ZNF783: variants seen among roughly 807,000 people sequenced by gnomAD.
ZNF783 encodes the protein zinc finger protein 783.
A neutral mutation model predicts 31.3 loss-of-function variants in ZNF783; 25 were observed. The observed-to-expected ratio is 0.80, with a 90% confidence interval of 0.58 to 1.11. The LOEUF (loss-of-function observed/expected upper bound fraction) is 1.11, where lower values mean the gene tolerates loss of function less well. ZNF783 is among the 50% of genes most tolerant of loss of function. The probability of loss-of-function intolerance (pLI) is 0.00; values close to 1 mark genes in which losing one functional copy is unlikely to be tolerated. For synonymous variants in ZNF783, 369 were observed against 319.1 expected, an observed-to-expected ratio of 1.16 and a Z score of -1.66; for missense variants, 797 against 760.0, an observed-to-expected ratio of 1.05 and a Z score of -0.57.
At position 149,278,410 on chromosome 7, in the gene ZNF783, T is replaced by C. The variant is rs1797383276; in HGVS notation, c.685T>C (p.Tyr229His). The change falls in exon 5 of 6, where the codon TAT (tyrosine) becomes CAT (histidine). Residue 229 changes from tyrosine to histidine, a missense_variant. Tyr to His is a moderately conservative substitution (Grantham distance 83). Coordinates refer to ENST00000434415, the MANE Select transcript of ZNF783 (RefSeq NM_001195220.2). ...PRMMGTGLPPYPEHLTSPLSP... is the reference protein window; with the variant it reads ...PRMMGTGLPPHPEHLTSPLSP... ...TTTACATTCTCCAGGCCTCCCTCCG[T>C]ATCCAGAGCACCTCACCAGCCCACT... 6.3e-7 allele frequency: 1 copy of C among 1,599,272 alleles called. No individual in the cohort carries two copies. The highest frequency in any genetic ancestry group is 1.3e-5 in the African/African-American group (1 of 74,882).
intron 1 of ZNF783, among the ~76,000 whole-genome samples, chr7:149,265,685 T>C (rs1797046304): frequency 6.6e-6 from 1 of 152,236 alleles, no homozygotes; most frequent in African/African-American, 2.4e-5. Context: ...AAGCATTCAT[T>C]CCATAGCAGT....
intron 1 of ZNF783, among the ~76,000 whole-genome samples, chr7:149,264,333 C>G (rs566128906): frequency 6.6e-5 from 10 of 152,108 alleles, no homozygotes; most frequent in Non-Finnish European, 1.3e-4. Flanking sequence ...ATCTTAAAAA[C>G]GAGAGAGACT....
chr7:149,276,488 G>C (rs1056597823), intron 4 of ZNF783: 1 of 985,396 alleles, frequency 1.0e-6, no homozygotes, highest in African/African-American at 1.7e-5. Context: ...TAACTCTCCC[G>C]TACGTAAAGG....
chr7:149,276,527 G>A (rs34626863), intron 4 of ZNF783: 133,370 of 985,236 alleles, frequency 0.14, 9,630 homozygotes, highest in Non-Finnish European at 0.15. Flanking sequence ...AGCAGGCACA[G>A]ACTCAATTGG....
intron 4 of ZNF783, among the ~76,000 whole-genome samples, chr7:149,273,047 A>G (rs570858211): frequency 2.0e-4 from 31 of 152,328 alleles, no homozygotes; most frequent in African/African-American, 7.5e-4. Flanking sequence ...GATGTCCTCC[A>G]GTTCCACCCA....
At chr7:149,278,353 G>A (rs1797380704) in intron 4 of ZNF783, 46 bp from the exon 5 acceptor site, 1 of 1,596,484 alleles carries the variant, frequency 6.3e-7, no homozygotes, top group African/African-American at 1.3e-5. Flanking sequence ...CATCTGGGCA[G>A]GAGACCTCCA....
rs1482265543 is a variant in ZNF783, at chr7:149,282,399, AGGTT to A, written c.*57_*60del. On this transcript the variant is annotated 3_prime_UTR_variant, in exon 6 of 6. Coordinates refer to ENST00000434415, the MANE Select transcript of ZNF783 (RefSeq NM_001195220.2). The stretch of plus-strand genomic sequence containing the variant: ...GGGGTCTCTCCCCTGTGCCTGACGC[AGGTT>A]CTTCCTTTTCCTGGGATGGAGAGAG... The A allele has an allele frequency of 7.4e-7, 1 of 1,353,272 alleles. No individual in the cohort carries two copies. The highest frequency in any genetic ancestry group is 1.5e-5 in the African/African-American group (1 of 66,976). 83.8% of individuals were successfully genotyped at this position (1,353,272 alleles called of 1,614,324 possible). A position where few individuals can be genotyped will look rare whatever the true frequency, so the allele number is the denominator to read the frequency against.
At chr7:149,269,505 C>T (rs943436788) in intron 4 of ZNF783, among the ~76,000 whole-genome samples, 1 of 152,156 alleles carries the variant, frequency 6.6e-6, no homozygotes, top group Non-Finnish European at 1.5e-5. Context: ...AGGGCAATAT[C>T]GAGGAGGGTA....
At chr7:149,269,332 T>C (rs1364077334) in intron 4 of ZNF783, among the ~76,000 whole-genome samples, 1 of 152,224 alleles carries the variant, frequency 6.6e-6, no homozygotes, top group Non-Finnish European at 1.5e-5. Flanking sequence ...CTTTGTCAGA[T>C]GCATAGTTTC....
Position 149,265,209 on chromosome 7 carries a change from A to C in ZNF783, c.25-1126A>C, listed in dbSNP as rs78628323. On this transcript the variant is annotated intron_variant, in intron 1 of 5. Transcript: ENST00000434415. ...GAGTGAGATGTTGATTTGTCTCTCC[A>C]ACAAGGCTTTTAGCAGCACCAACCA... is the stretch of plus-strand genomic sequence containing the variant. Among the ~76,000 whole-genome samples, 328 of 152,354 alleles carry C rather than the reference A, an allele frequency of 2.2e-3. 5 individuals carry two copies. The East Asian group carries it at 0.052, about 24-fold the overall frequency.
rs1202289057 is a variant in ZNF783, at chr7:149,282,278, C to T, written c.1576C>T (p.Pro526Ser). 1 of 1,574,328 alleles carries T rather than the reference C, an allele frequency of 6.4e-7. No individual in the cohort carries two copies. The highest frequency in any genetic ancestry group is 2.3e-5 in the East Asian group (1 of 43,168). The change falls in exon 6 of 6, where the codon CCT (proline) becomes TCT (serine). Residue 526 changes from proline to serine, a missense_variant. Transcript: ENST00000434415. ...HARGQVGPHFPAAPARHGSLP... is the reference protein window; with the variant it reads ...HARGQVGPHFSAAPARHGSLP... ...CCGAGGCCAGGTGGGCCCACACTTC[C>T]CTGCCGCCCCCGCCCGCCACGGGAG...
intron 5 of ZNF783, among the ~76,000 whole-genome samples, chr7:149,279,030 A>G (rs1004103346): frequency 3.9e-5 from 6 of 152,236 alleles, no homozygotes; most frequent in Admixed American, 6.5e-5. Flanking sequence ...ACAAAAGTGT[A>G]TATCAGGGCA....
Position 149,281,683 on chromosome 7 carries a change from G to T in ZNF783, c.981G>T (p.Glu327Asp). 6.7e-7 allele frequency: 1 copy of T among 1,501,254 alleles called. No homozygotes were observed. The highest frequency in any genetic ancestry group is 8.8e-7 in the Non-Finnish European group (1 of 1,135,310). 93.0% of individuals were successfully genotyped at this position (1,501,254 alleles called of 1,614,324 possible). ...GCATGCCCAGGGTGCGGGCAGGGGA[G>T]CCACGGCCACCGGGGGCCAGTGGGG... The part of the protein sequence containing the change: ...AQGMPRVRAG[E>D]PRPPGASGET... The change falls in exon 6 of 6, where the codon GAG becomes GAT. Residue 327 changes from glutamate to aspartate, a missense_variant. Physicochemically the swap from Glu to Asp is conservative, Grantham distance 45. Coordinates refer to ENST00000434415, the MANE Select transcript of ZNF783 (RefSeq NM_001195220.2).
Position 149,282,482 on chromosome 7 carries a change from T to A in ZNF783, c.*139T>A. On this transcript the variant is annotated 3_prime_UTR_variant, in exon 6 of 6. Coordinates refer to ENST00000434415, the MANE Select transcript of ZNF783 (RefSeq NM_001195220.2). ...AAGCTAGCTGCCCTTCTGGTGACAT[T>A]GTGTGTGACCGGGTGCTTTCTGTTT... 1.3e-6 allele frequency: 1 copy of A among 749,936 alleles called. No individual in the cohort carries two copies. Among genetic ancestry groups the A allele is most frequent in the Non-Finnish European group, 2.1e-6 (1 of 484,528 alleles). The allele number at this position is 749,936 out of a possible 1,614,324, so 46.5% of individuals were successfully genotyped here.
At chr7:149,267,248 G>C in intron 4 of ZNF783, 26 bp downstream of exon 4, 1 of 1,557,648 alleles carries the variant, frequency 6.4e-7, no homozygotes, top group Non-Finnish European at 8.6e-7. Flanking sequence ...AGATGTGGTT[G>C]GGGGGCCGCC....
rs375019406 is a variant in ZNF783 at position 149,282,213 on chromosome 7, A to G, written c.1511A>G (p.Asn504Ser). Residue 504 changes from asparagine to serine, a missense_variant, in exon 6 of 6, where the codon AAC becomes AGC. By Grantham distance (46) the Asn-to-Ser change is conservative. Coordinates refer to ENST00000434415, the MANE Select transcript of ZNF783 (RefSeq NM_001195220.2). ...TGCCCCCAGTGTGGCCGGACCTTCA[A>G]CCGCAACCACCACCTGGCCGTGCAC... is the stretch of plus-strand genomic sequence containing the variant. ...YQCPQCGRTFNRNHHLAVHMQ... is the reference protein window; with the variant it reads ...YQCPQCGRTFSRNHHLAVHMQ... The G allele has an allele frequency of 2.0e-5, 32 of 1,598,680 alleles. No homozygotes were observed. Among genetic ancestry groups the G allele is most frequent in the Non-Finnish European group, 2.5e-5 (29 of 1,179,112 alleles).
Position 149,276,408 on chromosome 7 carries a change from T to C in ZNF783, c.674-1991T>C, listed in dbSNP as rs545168114. On this transcript the variant is annotated intron_variant, in intron 4 of 5. Transcript: ENST00000434415. ...ATCCACTGAAATTTTTAGGATCTGC[T>C]GATGAAGCAACCGTCTTTAGGCTTG... 4.5e-5 allele frequency: 44 copies of C among 987,456 alleles called. No individual in the cohort carries two copies. The African/African-American group carries it at 7.5e-4, about 17-fold the overall frequency. The allele number at this position is 987,456 out of a possible 1,614,324, so 61.2% of individuals were successfully genotyped here. A position where few individuals can be genotyped will look rare whatever the true frequency, so the allele number is the denominator to read the frequency against.
intron 4 of ZNF783, chr7:149,276,719 G>C: frequency 1.4e-6 from 1 of 722,336 alleles, no homozygotes; most frequent in Non-Finnish European, 1.7e-6. Flanking sequence ...TGCCCAGGTT[G>C]GAATGCAACT....
chr7:149,266,038 T>C (rs1003540802), intron 1 of ZNF783, among the ~76,000 whole-genome samples: 7 of 152,188 alleles, frequency 4.6e-5, no homozygotes, highest in African/African-American at 1.4e-4. Context: ...ACGTGGTTGC[T>C]CAAGCCTGTG....
Sources: allele counts gnomAD v4.1 joint callset (sites outside exome capture counted in the v4.1 genomes callset), GRCh38; gene constraint gnomAD v4.1.1; transcripts MANE v1.5; gene names NCBI Gene and HGNC (gene_info 2026-07-23, HGNC 2026-07-21).